SDK1: variants seen among roughly 807,000 people sequenced by gnomAD.
SDK1 encodes protein sidekick-1.
Under a neutral mutation model 245.5 loss-of-function variants are expected in SDK1, and 157 were observed. The ratio of observed to expected loss-of-function variants is 0.64; its 90% confidence interval spans 0.56 to 0.73. SDK1 has a LOEUF of 0.73. SDK1 is among the 30% of genes least tolerant of loss of function. The pLI is 0.00. For synonymous variants in SDK1, 1,647 were observed against 1,278.5 expected, an observed-to-expected ratio of 1.29 and a Z score of -6.15; for missense variants, 3,583 against 3,002.3, an observed-to-expected ratio of 1.19 and a Z score of -4.52.
At chr7:3,604,261 C>T (rs529570291) in intron 1 of SDK1, among the ~76,000 whole-genome samples, 2 of 152,276 alleles carry the variant, frequency 1.3e-5, no homozygotes, top group South Asian at 4.1e-4. Flanking sequence ...AGGATTGGTA[C>T]CAGCTCCTCT....
chr7:3,435,965 C>A (rs2128586435), intron 1 of SDK1, among the ~76,000 whole-genome samples: 1 of 152,260 alleles, frequency 6.6e-6, no homozygotes, highest in East Asian at 1.9e-4. Flanking sequence ...GTTGCTCTGG[C>A]CTAAACATTA....
At position 4,266,824 on chromosome 7, in the gene SDK1, C is replaced by G; in HGVS notation, c.*1440C>G. On this transcript the variant is annotated 3_prime_UTR_variant, in exon 45 of 45. Coordinates refer to ENST00000404826, the MANE Select transcript of SDK1 (RefSeq NM_152744.4). ...GTCCCTGTAAGTGCCCCCTCACCAG[C>G]AGCAGCGTGACACACACAAGACTCA... The G allele has an allele frequency of 1.0e-6, 1 of 985,508 alleles. No individual in the cohort carries two copies. The highest frequency in any genetic ancestry group is 1.7e-5 in the African/African-American group (1 of 57,324). The allele number at this position is 985,508 out of a possible 1,614,324, so 61.0% of individuals were successfully genotyped here. A position where few individuals can be genotyped will look rare whatever the true frequency, so the allele number is the denominator to read the frequency against.
At chr7:4,251,006 C>A (rs1787258585) in intron 44 of SDK1, among the ~76,000 whole-genome samples, 1 of 152,148 alleles carries the variant, frequency 6.6e-6, no homozygotes, top group Admixed American at 6.5e-5. Context: ...CTATCCTGAG[C>A]ATTTCATATA....
At chr7:4,075,493 G>A (rs946906234) in intron 20 of SDK1, among the ~76,000 whole-genome samples, 1 of 152,136 alleles carries the variant, frequency 6.6e-6, no homozygotes, top group Non-Finnish European at 1.5e-5. Context: ...ACTAGAAATA[G>A]GGAAGAGCAA....
At chr7:3,690,192 A>T (rs2114994662) in intron 4 of SDK1, among the ~76,000 whole-genome samples, 1 of 152,192 alleles carries the variant, frequency 6.6e-6, no homozygotes, top group East Asian at 1.9e-4. Flanking sequence ...GGCGTCACCT[A>T]CCTCATCACG....
At chr7:3,947,355 C>A (rs1444191335) in intron 5 of SDK1, among the ~76,000 whole-genome samples, 2 of 152,156 alleles carry the variant, frequency 1.3e-5, no homozygotes, top group African/African-American at 2.4e-5. Context: ...TTACATCTGG[C>A]ATTTTAGACT....
chr7:4,242,953 G>T (rs547468992), intron 43 of SDK1, among the ~76,000 whole-genome samples: 42 of 152,308 alleles, frequency 2.8e-4, no homozygotes, highest in African/African-American at 8.9e-4. Context: ...CCAAAGCACC[G>T]CAGGCCGCCA....
chr7:4,051,257 AAT>A lies in SDK1; in HGVS notation c.2719-371_2719-370del, dbSNP rs201245681. On this transcript the variant is annotated intron_variant, in intron 18 of 44. Coordinates refer to ENST00000404826, the MANE Select transcript of SDK1 (RefSeq NM_152744.4). ...GTTATATAGTATATAGGTTGTATATAATATATATATAATATATACTTTTTATG... is the reference window on the plus strand; with the variant it reads ...GTTATATAGTATATAGGTTGTATATAATATATATAATATATACTTTTTATG... Among the ~76,000 whole-genome samples, 1,208 of 144,048 alleles carry A rather than the reference AAT, an allele frequency of 8.4e-3. 15 individuals are homozygous for A. The highest frequency in any genetic ancestry group is 0.028 in the African/African-American group (1,106 of 39,300). The allele number at this position is 144,048 out of a possible 152,430, so 94.5% of individuals were successfully genotyped here.
intron 1 of SDK1, among the ~76,000 whole-genome samples, chr7:3,415,832 G>A (rs1779351318): frequency 6.6e-6 from 1 of 151,952 alleles, no homozygotes; most frequent in African/African-American, 2.4e-5. Flanking sequence ...ACTTAAGTGT[G>A]AACACATATT....
chr7:3,738,312 C>T (rs2115048999), intron 4 of SDK1, among the ~76,000 whole-genome samples: 1 of 152,318 alleles, frequency 6.6e-6, no homozygotes, highest in South Asian at 2.1e-4. Flanking sequence ...TGTCCTTTAT[C>T]CATTGAATGG....
At chr7:3,672,796 A>AATATATATATAT (rs55933133) in intron 4 of SDK1, among the ~76,000 whole-genome samples, 1 of 53,416 alleles carries the variant, frequency 1.9e-5, no homozygotes, top group Non-Finnish European at 3.4e-5. Context: ...TATATATATA[A>AATATATATATAT]AAAATACAGA....
At chr7:3,442,369 A>T (rs1183002619) in intron 1 of SDK1, among the ~76,000 whole-genome samples, 1 of 152,208 alleles carries the variant, frequency 6.6e-6, no homozygotes, top group African/African-American at 2.4e-5. Flanking sequence ...GGTGACACCC[A>T]TGTTGATCAG....
chr7:4,025,764 AATCTCCATCTTCAGCACC>A (rs1253998661), intron 17 of SDK1, among the ~76,000 whole-genome samples: 1 of 152,144 alleles, frequency 6.6e-6, no homozygotes, highest in African/African-American at 2.4e-5. Context: ...GCACCACTTT[AATCTCCATCTTCAGCACC>A]ATAGCCTGCC....
At chr7:4,047,573 C>T (rs978144464) in intron 17 of SDK1, among the ~76,000 whole-genome samples, 3 of 152,198 alleles carry the variant, frequency 2.0e-5, no homozygotes, top group African/African-American at 7.2e-5. Context: ...TACCTTTGTT[C>T]CTCTGGATGC....
intron 1 of SDK1, among the ~76,000 whole-genome samples, chr7:3,597,809 G>A (rs1465336665): frequency 6.6e-6 from 1 of 152,162 alleles, no homozygotes; most frequent in Non-Finnish European, 1.5e-5. Context: ...ATTCCTCGAT[G>A]GTGCTGAGTT....
chr7:3,477,267 C>CTCAGTGCAG (rs2128600677), intron 1 of SDK1, among the ~76,000 whole-genome samples: 1 of 125,074 alleles, frequency 8.0e-6, no homozygotes, highest in East Asian at 2.5e-4. Flanking sequence ...GCGATCTTGG[C>CTCAGTGCAG]TCAGTGCAGT....
intron 35 of SDK1, among the ~76,000 whole-genome samples, chr7:4,185,416 C>T (rs951802061): frequency 6.6e-6 from 1 of 152,320 alleles, no homozygotes; most frequent in African/African-American, 2.4e-5. Flanking sequence ...GCCTGCACTC[C>T]TGCCCAGACC....
intron 4 of SDK1, among the ~76,000 whole-genome samples, chr7:3,768,741 G>C (rs1472035041): frequency 6.6e-6 from 1 of 152,164 alleles, no homozygotes; most frequent in Non-Finnish European, 1.5e-5. Context: ...AAATTGACCA[G>C]AAATAGTCAC....
chr7:3,420,217 TATTAG>T (rs1779499939), intron 1 of SDK1, among the ~76,000 whole-genome samples: 1 of 152,250 alleles, frequency 6.6e-6, no homozygotes, highest in Non-Finnish European at 1.5e-5. Flanking sequence ...ATTATTGTCA[TATTAG>T]CATTGGAACT....
Sources: gnomAD v4.1 joint callset for allele counts (sites outside exome capture counted in the v4.1 genomes callset) on GRCh38, gnomAD v4.1.1 for gene constraint, MANE v1.5 for transcripts, NCBI Gene and HGNC (gene_info 2026-07-23, HGNC 2026-07-21) for gene names.